Variants in FAT1 observed in about 807,000 individuals in gnomAD.
The protein encoded by FAT1 is FAT atypical cadherin 1, also known as protocadherin Fat 1.
A neutral mutation model predicts 329.8 loss-of-function variants in FAT1; 171 were observed. That is an observed-to-expected ratio of 0.52 (90% confidence interval 0.46 to 0.59). FAT1 has a LOEUF of 0.59. Ranked by LOEUF, FAT1 falls within the 20% of genes least tolerant of loss-of-function variation. The pLI, the probability that FAT1 is intolerant of heterozygous loss-of-function variation, is 0.00. For missense variants in FAT1, 5,672 were observed against 5,774.4 expected, an observed-to-expected ratio of 0.98 and a Z score of 0.57; for synonymous variants, 2,233 against 2,228.6, an observed-to-expected ratio of 1.00 and a Z score of -0.06.
In FAT1 at chr4:186,628,327, G is replaced by A. The variant is rs760696549; in HGVS notation, c.4637C>T (p.Ala1546Val). Reference sequence around the variant, plus strand: ...GTCGCTGACATTGACCACAATCCTTGCAAAGTTGCGTTTTACAGGCACATC... The same window carrying A: ...GTCGCTGACATTGACCACAATCCTTACAAAGTTGCGTTTTACAGGCACATC... ...DQDVPVKRNF[A>V]RIVVNVSDTN... Residue 1546 changes from alanine to valine, a missense_variant, in exon 9 of 27, where the codon GCA (alanine) becomes GTA (valine). Physicochemically the swap from Ala to Val is moderately conservative, Grantham distance 64. Coordinates refer to ENST00000441802, the MANE Select transcript of FAT1 (RefSeq NM_005245.4). 1.9e-6 allele frequency: 3 copies of A among 1,613,246 alleles called. No individual in the cohort carries two copies. Among genetic ancestry groups the A allele is most frequent in the Non-Finnish European group, 2.5e-6 (3 of 1,179,548 alleles).
At chr4:186,602,823 C>T in intron 20 of FAT1, 80 bp downstream of exon 20, 3 of 1,433,408 alleles carry the variant, frequency 2.1e-6, no homozygotes, top group East Asian at 2.3e-5. Context: ...TATTTTTAGA[C>T]TCCAATAAAG....
intron 2 of FAT1, among the ~76,000 whole-genome samples, chr4:186,691,665 G>A (rs1743768857): frequency 2.6e-5 from 4 of 152,090 alleles, no homozygotes; most frequent in South Asian, 2.1e-4. Flanking sequence ...AAAATTAGCC[G>A]GGCATGGTGG....
chr4:186,641,985 C>T (rs1051480466), intron 3 of FAT1, among the ~76,000 whole-genome samples: 4 of 150,168 alleles, frequency 2.7e-5, no homozygotes, highest in African/African-American at 4.9e-5. Flanking sequence ...CCAGCCTGGG[C>T]GACAGAGCAA....
At chr4:186,647,442 A>G (rs1048005262) in intron 3 of FAT1, among the ~76,000 whole-genome samples, 3 of 152,220 alleles carry the variant, frequency 2.0e-5, no homozygotes, top group Admixed American at 2.0e-4. Flanking sequence ...CTGATTCCAG[A>G]GTCCAAGCTC....
intron 3 of FAT1, among the ~76,000 whole-genome samples, chr4:186,658,718 C>A (rs1356501992): frequency 6.6e-6 from 1 of 152,114 alleles, no homozygotes; most frequent in Non-Finnish European, 1.5e-5. Flanking sequence ...CATCTCCTAC[C>A]TCCTCTCCAT....
At chr4:186,671,820 T>C (rs933112532) in intron 2 of FAT1, among the ~76,000 whole-genome samples, 1 of 152,172 alleles carries the variant, frequency 6.6e-6, no homozygotes, top group Non-Finnish European at 1.5e-5. Context: ...GTGTGTGGTG[T>C]GTGTGTGTGT....
chr4:186,590,474 G>GT, intron 26 of FAT1: 2 of 1,072,398 alleles, frequency 1.9e-6, no homozygotes, highest in Non-Finnish European at 2.5e-6. Context: ...GGCAATAAAG[G>GT]TAAGTACACA....
rs779949968 is a variant in FAT1, at chr4:186,588,715, G to A, written c.13644C>T (p.Asp4548=). The part of the protein sequence containing the change: ...SVYASTASCS[D]VSACCEVESE... ...ACTCCACTTCGCAGCAGGCTGACACGTCAGAGCAGGAGGCGGTGGAGGCGT... is the reference window on the plus strand; with the variant it reads ...ACTCCACTTCGCAGCAGGCTGACACATCAGAGCAGGAGGCGGTGGAGGCGT... Residue 4548 remains aspartate, a synonymous_variant, in exon 27 of 27, where the codon GAC becomes GAT. Transcript: ENST00000441802. 1.5e-5 allele frequency: 25 copies of A among 1,613,850 alleles called. No homozygotes were observed. The highest frequency in any genetic ancestry group is 1.7e-5 in the Admixed American group (1 of 59,980).
Position 186,708,867 on chromosome 4 carries a change from C to T in FAT1, c.961G>A (p.Gly321Ser), listed in dbSNP as rs374843828. The change falls in exon 2 of 27, where the codon GGT becomes AGT. Residue 321 changes from glycine (G) to serine (S), a missense_variant. Around this residue, in one of 2 missense-constraint regions of FAT1, gnomAD observed 3,966 missense variants for 3,915.2 expected, o/e 1.01. Coordinates refer to ENST00000441802, the MANE Select transcript of FAT1 (RefSeq NM_005245.4). ...GGATGACTGTCCCAATCAATGCCAC[C>T]GATGGCTTTGACTTTATACTCCTTA... ...GSKEYKVKAI[G>S]GIDWDSHPFG... 1.4e-5 allele frequency: 23 copies of T among 1,613,820 alleles called. No individual in the cohort carries two copies. The African/African-American group carries it at 1.5e-4, about 10-fold the overall frequency.
At chr4:186,658,070 G>A (rs1741989129) in intron 3 of FAT1, among the ~76,000 whole-genome samples, 2 of 152,180 alleles carry the variant, frequency 1.3e-5, no homozygotes, top group Admixed American at 6.5e-5. Flanking sequence ...TTGAGCAAGT[G>A]CTCAACTTAA....
At chr4:186,666,556 A>G (rs1742447843) in intron 2 of FAT1, among the ~76,000 whole-genome samples, 1 of 152,274 alleles carries the variant, frequency 6.6e-6, no homozygotes, top group Non-Finnish European at 1.5e-5. Context: ...AAGTATTATT[A>G]GAAAATCTCA....
intron 2 of FAT1, among the ~76,000 whole-genome samples, chr4:186,693,024 C>A (rs1203333897): frequency 6.6e-6 from 1 of 152,146 alleles, no homozygotes; most frequent in Non-Finnish European, 1.5e-5. Context: ...AGGAGCATTG[C>A]TTTGGTATCT....
At chr4:186,668,145 C>T (rs1453708366) in intron 2 of FAT1, among the ~76,000 whole-genome samples, 1 of 152,130 alleles carries the variant, frequency 6.6e-6, no homozygotes, top group African/African-American at 2.4e-5. Flanking sequence ...TGGAAGGAAG[C>T]CTTAAGCGTG....
Position 186,709,864 on chromosome 4 carries a change from G to A in FAT1, c.-18-19C>T, listed in dbSNP as rs755117733. 1.9e-6 allele frequency: 3 copies of A among 1,550,316 alleles called. No homozygotes were observed. The highest frequency in any genetic ancestry group is 1.7e-6 in the Non-Finnish European group (2 of 1,144,428). ...CGGGAATCTGAAACAGAAGAAATCA[G>A]AATCGTTACCTTGGGGAAATAAAAC... On this transcript the variant is annotated intron_variant, in intron 1 of 26. Coordinates refer to ENST00000441802, the MANE Select transcript of FAT1 (RefSeq NM_005245.4).
chr4:186,666,856 C>G (rs1190655660), intron 2 of FAT1, among the ~76,000 whole-genome samples: 1 of 152,224 alleles, frequency 6.6e-6, no homozygotes, highest in Non-Finnish European at 1.5e-5. Context: ...AAATGAGGCA[C>G]TTTCCCAGGG....
In FAT1 at chr4:186,611,761, T is replaced by C. The variant is rs759365799; in HGVS notation, c.9478A>G (p.Ile3160Val). The C allele has an allele frequency of 1.9e-6, 3 of 1,570,874 alleles. No homozygotes were observed. The Admixed American group carries it at 5.6e-5, about 29-fold the overall frequency. Residue 3160 changes from isoleucine (I) to valine (V), a missense_variant, in exon 14 of 27, where the codon ATT (isoleucine) becomes GTT (valine). Physicochemically the swap from Ile to Val is conservative, Grantham distance 29 (BLOSUM62 3). Around this residue, in one of 2 missense-constraint regions of FAT1, gnomAD observed 1,706 missense variants for 1,859.1 expected, o/e 0.92. Coordinates refer to ENST00000441802, the MANE Select transcript of FAT1 (RefSeq NM_005245.4). ...TDADAGLNRK[I>V]LYSLIDSADG... is the part of the protein sequence containing the mutation. ...GCAGAGTCAATCAGTGAGTATAAAA[T>C]CTTCCGATTTAATCCTATGAAGACA... is the stretch of plus-strand genomic sequence containing the variant.
chr4:186,634,422 C>A (rs1347481737), intron 6 of FAT1, among the ~76,000 whole-genome samples: 5 of 151,982 alleles, frequency 3.3e-5, no homozygotes, highest in Non-Finnish European at 7.4e-5. Context: ...TCAAATCCAT[C>A]GACCTAGATA....
chr4:186,691,997 G>A (rs1303968651), intron 2 of FAT1, among the ~76,000 whole-genome samples: 1 of 151,968 alleles, frequency 6.6e-6, no homozygotes, highest in Non-Finnish European at 1.5e-5. Context: ...GGAGAAGAAT[G>A]GCAGCTGGGA....
intron 4 of FAT1, among the ~76,000 whole-genome samples, chr4:186,639,166 C>T (rs1255776359): frequency 6.6e-6 from 1 of 152,160 alleles, no homozygotes; most frequent in Non-Finnish European, 1.5e-5. Context: ...TCTAGAAGAG[C>T]ACATCTGAGA....
Sources: allele counts gnomAD v4.1 joint callset (sites outside exome capture counted in the v4.1 genomes callset), GRCh38; gene constraint gnomAD v4.1.1; regional missense constraint gnomAD v4.1.1; transcripts MANE v1.5; gene names NCBI Gene and HGNC (gene_info 2026-07-23, HGNC 2026-07-21).